Variants in RPS6KA2 observed in about 807,000 individuals in gnomAD.
RPS6KA2 encodes the protein ribosomal protein S6 kinase alpha-2.
A neutral mutation model predicts 91.8 loss-of-function variants in RPS6KA2; 42 were observed. The ratio of observed to expected loss-of-function variants is 0.46; its 90% CI spans 0.36 to 0.59. The LOEUF (loss-of-function observed/expected upper bound fraction) is 0.59, where lower values mean the gene tolerates loss of function less well. Among genes scored for constraint, RPS6KA2 ranks in the 20% least tolerant of loss-of-function variants. The probability of loss-of-function intolerance (pLI) is 0.00; values close to 1 mark genes in which losing one functional copy is unlikely to be tolerated. For missense variants in RPS6KA2, 798 were observed against 978.5 expected (o/e 0.82, Z 2.46); for synonymous variants, 414 against 393.6 (o/e 1.05, Z -0.61).
Position 166,620,931 on chromosome 6 carries a change from G to A in RPS6KA2, c.99+5990C>T, listed in dbSNP as rs898940502. The stretch of plus-strand genomic sequence containing the variant: ...GCCGGCAAGGTCAGGCACTTCCCAC[G>A]GCAGGAGACTGGCACCGAGCAGGGG... On this transcript the variant is annotated intron_variant, in intron 1 of 20. Coordinates refer to ENST00000265678, the MANE Select transcript of RPS6KA2 (RefSeq NM_021135.6). Among the ~76,000 whole-genome samples the A allele has an allele frequency of 7.9e-5, 12 of 152,310 alleles. No individual in the cohort carries two copies. The East Asian group carries it at 1.5e-3, about 20-fold the overall frequency.
At chr6:166,536,064 A>C (rs1472122888) in intron 2 of RPS6KA2, among the ~76,000 whole-genome samples, 1 of 152,260 alleles carries the variant, frequency 6.6e-6, no homozygotes, top group African/African-American at 2.4e-5. Context: ...GCACCAGTGC[A>C]AAAAGTCTAA....
intron 7 of RPS6KA2, among the ~76,000 whole-genome samples, chr6:166,499,882 C>G (rs533193832): frequency 6.6e-5 from 10 of 151,510 alleles, no homozygotes; most frequent in East Asian, 1.9e-4. Context: ...CAGGGACTTT[C>G]AGAACAGACT....
intron 2 of RPS6KA2, among the ~76,000 whole-genome samples, chr6:166,634,414 C>G (rs1787172062): frequency 1.3e-5 from 2 of 152,176 alleles, no homozygotes; most frequent in African/African-American, 4.8e-5. Flanking sequence ...GCTCCTCCCC[C>G]TTCCTCATCC....
intron 2 of RPS6KA2, among the ~76,000 whole-genome samples, chr6:166,659,623 GAGA>G (rs1200537712): frequency 1.3e-5 from 2 of 152,260 alleles, no homozygotes; most frequent in Admixed American, 6.5e-5. Flanking sequence ...GGAGCGTAAG[GAGA>G]AGGAGAGTCA....
chr6:166,412,732 C>T lies in RPS6KA2; in HGVS notation c.*30G>A. The T allele has an allele frequency of 1.9e-6, 3 of 1,564,444 alleles. No individual in the cohort carries two copies. The African/African-American group carries it at 4.0e-5, about 21-fold the overall frequency. ...GTCTGTGAGCCCACGAGGATGCTGG[C>T]AGGGGACGCTGGGGCCAGGGTCCCA... On this transcript the variant is annotated 3_prime_UTR_variant, in exon 21 of 21. Coordinates refer to ENST00000265678, the MANE Select transcript of RPS6KA2 (RefSeq NM_021135.6). This position sits in a 1 kb window ranked among gnomAD's most constrained non-coding sequence, Gnocchi z 4.3.
intron 1 of RPS6KA2, among the ~76,000 whole-genome samples, chr6:166,602,746 G>A (rs1785792979): frequency 6.6e-6 from 1 of 152,228 alleles, no homozygotes. Flanking sequence ...CCAGGTGGGA[G>A]GGAGAAGGAT....
intron 1 of RPS6KA2, among the ~76,000 whole-genome samples, chr6:166,613,734 T>A (rs1207796434): frequency 6.6e-6 from 1 of 151,060 alleles, no homozygotes; most frequent in Non-Finnish European, 1.5e-5. Context: ...CTCCCTTATG[T>A]GAAACATTAG....
chr6:166,430,044 G>A (rs551098704), intron 16 of RPS6KA2, among the ~76,000 whole-genome samples: 6 of 151,092 alleles, frequency 4.0e-5, no homozygotes, highest in South Asian at 2.1e-4. Context: ...TGCAACCTCC[G>A]CCTCCTGGGT....
intron 14 of RPS6KA2, among the ~76,000 whole-genome samples, chr6:166,447,402 T>G (rs1779714833): frequency 6.6e-6 from 1 of 152,248 alleles, no homozygotes; most frequent in South Asian, 2.1e-4. Flanking sequence ...TATTTAAACT[T>G]TCTTTTTTTG....
chr6:166,564,021 G>A (rs1030080282), intron 1 of RPS6KA2, among the ~76,000 whole-genome samples: 1 of 152,202 alleles, frequency 6.6e-6, no homozygotes, highest in African/African-American at 2.4e-5. Context: ...CTTGCTCACT[G>A]AGTAGGAACA....
intron 2 of RPS6KA2, among the ~76,000 whole-genome samples, chr6:166,822,092 C>G (rs934783908): frequency 1.3e-5 from 2 of 152,180 alleles, no homozygotes; most frequent in Admixed American, 6.5e-5. Context: ...TCCTGCTCCT[C>G]CCCCCTGCCC....
chr6:166,743,876 G>A (rs942015384), intron 2 of RPS6KA2, among the ~76,000 whole-genome samples: 2 of 151,968 alleles, frequency 1.3e-5, no homozygotes, highest in Admixed American at 6.6e-5. Context: ...GGCAGACAGG[G>A]CTTTGGCGGT....
At chr6:166,591,472 C>T (rs1458688386) in intron 1 of RPS6KA2, among the ~76,000 whole-genome samples, 1 of 152,124 alleles carries the variant, frequency 6.6e-6, no homozygotes, top group Non-Finnish European at 1.5e-5. Context: ...TTAGTTAAAA[C>T]GAGATCACAG....
chr6:166,592,285 C>T (rs1385123161), intron 1 of RPS6KA2, among the ~76,000 whole-genome samples: 1 of 152,184 alleles, frequency 6.6e-6, no homozygotes, highest in Non-Finnish European at 1.5e-5. Context: ...ATGGGTGCAC[C>T]TCAGATTAAA....
intron 12 of RPS6KA2, among the ~76,000 whole-genome samples, chr6:166,458,005 C>A (rs1048723543): frequency 6.6e-5 from 10 of 152,240 alleles, no homozygotes; most frequent in African/African-American, 2.2e-4. Flanking sequence ...CCACTTATGT[C>A]TACAGAAGGA....
intron 2 of RPS6KA2, among the ~76,000 whole-genome samples, chr6:166,664,794 G>A (rs1368241161): frequency 6.6e-6 from 1 of 152,208 alleles, no homozygotes; most frequent in Non-Finnish European, 1.5e-5. Context: ...CTAATAGAGA[G>A]TGTGCTAGAA....
At chr6:166,509,707 C>T (rs927944326) in intron 4 of RPS6KA2, among the ~76,000 whole-genome samples, 1 of 152,184 alleles carries the variant, frequency 6.6e-6, no homozygotes, top group Non-Finnish European at 1.5e-5. Flanking sequence ...GAAGATTTCA[C>T]TTACTGCTTC....
intron 2 of RPS6KA2, among the ~76,000 whole-genome samples, chr6:166,675,919 T>C (rs1657560954): frequency 6.6e-6 from 1 of 152,144 alleles, no homozygotes; most frequent in African/African-American, 2.4e-5. Context: ...AGGTCACCAT[T>C]TGTTTGCTTT....
At chr6:166,696,086 G>A (rs766274276) in intron 2 of RPS6KA2, among the ~76,000 whole-genome samples, 1 of 152,112 alleles carries the variant, frequency 6.6e-6, no homozygotes, top group Non-Finnish European at 1.5e-5. Context: ...CCACGAAACC[G>A]GTCCCTGATG....
Sources: allele counts gnomAD v4.1 joint callset (sites outside exome capture counted in the v4.1 genomes callset), GRCh38; gene constraint gnomAD v4.1.1; non-coding constraint Gnocchi (gnomAD v3.1); transcripts MANE v1.5; gene names NCBI Gene and HGNC (gene_info 2026-07-23, HGNC 2026-07-21).